The following ANO10 variants were observed in gnomAD, a reference collection of about 807,000 sequenced individuals.
ANO10 encodes the protein anoctamin 10, also known as anoctamin-10.
In ANO10, 77 loss-of-function variants were observed where a neutral mutation model predicts 74.7. The observed-to-expected ratio is 1.03, with a 90% CI of 0.86 to 1.25. The LOEUF (loss-of-function observed/expected upper bound fraction) is 1.25. Ranked by LOEUF, ANO10 falls within the 50% of genes most tolerant of loss-of-function variation. ANO10 has a pLI of 0.00. For synonymous variants in ANO10, 279 were observed against 284.9 expected (o/e 0.98, Z 0.21); for missense variants, 721 against 778.1 (o/e 0.93, Z 0.87).
chr3:43,499,276 G>A (rs2077017227), intron 11 of ANO10, among the ~76,000 whole-genome samples: 2 of 152,190 alleles, frequency 1.3e-5, no homozygotes, highest in African/African-American at 4.8e-5. Context: ...TACAGTTGAG[G>A]AACCCAGTCA....
rs1361312892 is a variant in ANO10 at position 43,449,701 on chromosome 3, A to G, written c.1798-16974T>C. Among the ~76,000 whole-genome samples the G allele has an allele frequency of 6.6e-5, 10 of 151,186 alleles. No homozygotes were observed. In the Admixed American group the frequency reaches 6.6e-4, roughly 10 times the overall value. On this transcript the variant is annotated intron_variant, in intron 11 of 12. Transcript: ENST00000292246. ...AATGTCTTCATTACTGTAGCTTTAC[A>G]GCAAGTTTCGAAGTTGGTTAGTGCC...
chr3:43,391,609 C>T (rs2092276388), intron 12 of ANO10, among the ~76,000 whole-genome samples: 1 of 152,222 alleles, frequency 6.6e-6, no homozygotes, highest in African/African-American at 2.4e-5. Context: ...AGGCTCACTT[C>T]TGAGTTTACA....
At chr3:43,606,478 G>A (rs2082570248) in intron 1 of ANO10, among the ~76,000 whole-genome samples, 1 of 152,008 alleles carries the variant, frequency 6.6e-6, no homozygotes, top group Non-Finnish European at 1.5e-5. Flanking sequence ...TAGTCGGTAG[G>A]GAGCTATTAC....
At chr3:43,538,058 T>C (rs77418885) in intron 11 of ANO10, among the ~76,000 whole-genome samples, 4,109 of 152,298 alleles carry the variant, frequency 0.027, 77 homozygotes, top group Non-Finnish European at 0.038. Context: ...GTCAAATTTA[T>C]ACCATTTCAC....
intron 12 of ANO10, among the ~76,000 whole-genome samples, chr3:43,391,776 A>G (rs1366961234): frequency 6.6e-6 from 1 of 152,162 alleles, no homozygotes; most frequent in Non-Finnish European, 1.5e-5. Flanking sequence ...GATCCTCCCT[A>G]AGGTGAGCCT....
intron 1 of ANO10, among the ~76,000 whole-genome samples, chr3:43,643,283 G>A (rs1041072805): frequency 9.9e-5 from 15 of 151,704 alleles, no homozygotes; most frequent in Admixed American, 2.0e-4. Flanking sequence ...CACCCGCCTC[G>A]GCCTCCCAAA....
Position 43,472,126 on chromosome 3 carries a change from AAAAC to A in ANO10, c.1798-39403_1798-39400del, listed in dbSNP as rs372560985. On this transcript the variant is annotated intron_variant, in intron 11 of 12. Coordinates refer to ENST00000292246, the MANE Select transcript of ANO10 (RefSeq NM_018075.5). ...ATCTCAAATGCATTATGCCAAGTGA[AAAAC>A]AAACAGACTTAAGAGCCTATGTACT... 7.0e-4 allele frequency among the ~76,000 whole-genome samples: 107 copies of A among 152,356 alleles called. 1 individual carries two copies. Among genetic ancestry groups the A allele is most frequent in the African/African-American group, 2.2e-3 (91 of 41,592 alleles).
At chr3:43,399,213 A>C (rs977590560) in intron 12 of ANO10, among the ~76,000 whole-genome samples, 4 of 152,254 alleles carry the variant, frequency 2.6e-5, no homozygotes, top group Non-Finnish European at 5.9e-5. Context: ...ACTAAATGTT[A>C]GCTGTTACTA....
At chr3:43,566,938 A>C (rs960853668) in intron 7 of ANO10, among the ~76,000 whole-genome samples, 1 of 152,206 alleles carries the variant, frequency 6.6e-6, no homozygotes, top group African/African-American at 2.4e-5. Context: ...ACTTTGAAAA[A>C]AATTCAGAAG....
intron 11 of ANO10, among the ~76,000 whole-genome samples, chr3:43,512,152 T>C (rs1332174024): frequency 2.6e-5 from 4 of 152,120 alleles, no homozygotes; most frequent in Admixed American, 6.5e-5. Flanking sequence ...CAATGCATGA[T>C]TCTATCATAT....
intron 12 of ANO10, among the ~76,000 whole-genome samples, chr3:43,419,215 A>G (rs144830374): frequency 9.0e-4 from 137 of 152,332 alleles, no homozygotes; most frequent in African/African-American, 3.1e-3. Flanking sequence ...ATGTTGTTTA[A>G]TGACCTGGCC....
rs141420413 is a variant in ANO10 at position 43,592,802 on chromosome 3, T to C, written c.472+5730A>G. ...TTCAGAAGATGGGTAATAACGAACTTCTCCGAGCTAAAGGAGGATGTTGGA... is the reference window on the plus strand; with the variant it reads ...TTCAGAAGATGGGTAATAACGAACTCCTCCGAGCTAAAGGAGGATGTTGGA... On this transcript the variant is annotated intron_variant, in intron 4 of 12. Coordinates refer to ENST00000292246, the MANE Select transcript of ANO10 (RefSeq NM_018075.5). Among the ~76,000 whole-genome samples the C allele has an allele frequency of 7.6e-4, 115 of 152,066 alleles. 1 individual carries two copies. The highest frequency in any genetic ancestry group is 2.7e-3 in the African/African-American group (111 of 41,476).
chr3:43,673,690 T>A (rs1233933955), intron 1 of ANO10, among the ~76,000 whole-genome samples: 1 of 152,182 alleles, frequency 6.6e-6, no homozygotes, highest in Non-Finnish European at 1.5e-5. Context: ...AAAACACTGA[T>A]TCTACTGAAA....
intron 11 of ANO10, among the ~76,000 whole-genome samples, chr3:43,539,600 T>G (rs1298422480): frequency 1.3e-5 from 2 of 152,180 alleles, no homozygotes; most frequent in Non-Finnish European, 2.9e-5. Context: ...ACAGAAGGTC[T>G]TGAAAGCATG....
intron 11 of ANO10, among the ~76,000 whole-genome samples, chr3:43,507,671 C>T (rs987272023): frequency 6.6e-6 from 1 of 152,070 alleles, no homozygotes; most frequent in Admixed American, 6.5e-5. Context: ...AAAGGCATAT[C>T]TAAATCCTGA....
At chr3:43,677,153 A>AT (rs1706072763) in intron 1 of ANO10, among the ~76,000 whole-genome samples, 8 of 152,224 alleles carry the variant, frequency 5.3e-5, no homozygotes, top group African/African-American at 1.9e-4. Flanking sequence ...AATACTATGC[A>AT]GCCCCAAAAA....
intron 1 of ANO10, among the ~76,000 whole-genome samples, chr3:43,656,573 C>T (rs371916937): frequency 1.3e-5 from 2 of 152,224 alleles, no homozygotes; most frequent in Admixed American, 1.3e-4. Flanking sequence ...CCCTGCCCTG[C>T]GGGAAGGCAG....
chr3:43,629,150 T>G (rs978422597), intron 1 of ANO10, among the ~76,000 whole-genome samples: 9 of 152,196 alleles, frequency 5.9e-5, no homozygotes, highest in Admixed American at 4.6e-4. Context: ...TCTTTTGTAC[T>G]CTGTCCCTTT....
At chr3:43,439,332 G>A (rs947630469) in intron 11 of ANO10, among the ~76,000 whole-genome samples, 1 of 150,630 alleles carries the variant, frequency 6.6e-6, no homozygotes, top group Non-Finnish European at 1.5e-5. Context: ...TTTCAGATAA[G>A]CAAAACCTGA....
Sources: gnomAD v4.1 joint callset for allele counts (sites outside exome capture counted in the v4.1 genomes callset) on GRCh38, gnomAD v4.1.1 for gene constraint, MANE v1.5 for transcripts, NCBI Gene and HGNC (gene_info 2026-07-23, HGNC 2026-07-21) for gene names.